EYA1: variants seen among roughly 807,000 people sequenced by gnomAD.
EYA1 encodes the protein protein phosphatase EYA1.
In EYA1, 16 loss-of-function variants were observed where a neutral mutation model predicts 82.0. The observed-to-expected ratio is 0.20, with a 90% CI of 0.13 to 0.30. The LOEUF is 0.30. Ranked by LOEUF, EYA1 falls within the 10% of genes least tolerant of loss-of-function variation. EYA1 has a pLI of 1.00. For synonymous variants in EYA1, 261 were observed against 264.4 expected (o/e 0.99, Z 0.12); for missense variants, 633 against 730.7 (o/e 0.87, Z 1.54).
chr8:71,519,608 A>G (rs1649991526), intron 2 of EYA1, among the ~76,000 whole-genome samples: 2 of 151,772 alleles, frequency 1.3e-5, no homozygotes, highest in Admixed American at 6.6e-5. Flanking sequence ...CTGATTACTA[A>G]GTCTTTCTAA....
chr8:71,496,948 GCAAT>G (rs1811460895), intron 2 of EYA1, among the ~76,000 whole-genome samples: 1 of 149,936 alleles, frequency 6.7e-6, no homozygotes, highest in Non-Finnish European at 1.5e-5. Flanking sequence ...CAATTAAAGT[GCAAT>G]CATATGACCC....
intron 2 of EYA1, among the ~76,000 whole-genome samples, chr8:71,420,022 T>C (rs1009338099): frequency 6.6e-6 from 1 of 152,154 alleles, no homozygotes; most frequent in African/African-American, 2.4e-5. Context: ...ATTTGCTTAA[T>C]AAATTGCACC....
chr8:71,359,011 A>G (rs1043648480), intron 1 of EYA1, among the ~76,000 whole-genome samples: 1 of 151,904 alleles, frequency 6.6e-6, no homozygotes, highest in Non-Finnish European at 1.5e-5. Flanking sequence ...TATGAGTGCA[A>G]AAATATTTCC....
intron 9 of EYA1, among the ~76,000 whole-genome samples, chr8:71,282,446 A>T (rs2128971409): frequency 6.6e-6 from 1 of 152,236 alleles, no homozygotes; most frequent in East Asian, 1.9e-4. Flanking sequence ...ATTTTCTCTA[A>T]TGTTCCTCTT....
intron 2 of EYA1, among the ~76,000 whole-genome samples, chr8:71,443,801 T>G (rs768544716): frequency 2.2e-4 from 34 of 152,218 alleles, no homozygotes; most frequent in Admixed American, 7.9e-4. Context: ...AGACCCTTGG[T>G]AGAAGATATC....
intron 2 of EYA1, among the ~76,000 whole-genome samples, chr8:71,527,673 T>A (rs115316819): frequency 1.2e-4 from 19 of 152,302 alleles, no homozygotes; most frequent in African/African-American, 4.6e-4. Context: ...CAGTTCTGCA[T>A]CCCATCTGCA....
At chr8:71,225,474 A>C (rs1460669946) in intron 12 of EYA1, among the ~76,000 whole-genome samples, 3 of 152,230 alleles carry the variant, frequency 2.0e-5, no homozygotes, top group Non-Finnish European at 4.4e-5. Context: ...CCTGTGGCTA[A>C]GGCACAGGGG....
At chr8:71,246,188 T>G (rs1358463350) in intron 11 of EYA1, among the ~76,000 whole-genome samples, 1 of 152,252 alleles carries the variant, frequency 6.6e-6, no homozygotes, top group Non-Finnish European at 1.5e-5. Context: ...AACTTTCGTA[T>G]GTATGCCATT....
chr8:71,308,716 T>TTTTTTA (rs1821000274), intron 7 of EYA1, among the ~76,000 whole-genome samples: 1 of 144,312 alleles, frequency 6.9e-6, no homozygotes, highest in African/African-American at 2.5e-5. Context: ...TTTTTTTTTT[T>TTTTTTA]AAGAAAAAAA....
intron 2 of EYA1, among the ~76,000 whole-genome samples, chr8:71,444,567 C>T (rs1806704540): frequency 6.6e-6 from 1 of 152,160 alleles, no homozygotes; most frequent in Admixed American, 6.5e-5. Context: ...GGAGATGCTG[C>T]CACTCAGGGC....
intron 2 of EYA1, among the ~76,000 whole-genome samples, chr8:71,450,050 G>C (rs1013650580): frequency 6.6e-6 from 1 of 152,172 alleles, no homozygotes; most frequent in Non-Finnish European, 1.5e-5. Flanking sequence ...TGGCTTAAGG[G>C]AATGTTGTAG....
chr8:71,476,840 A>G (rs950852649), intron 2 of EYA1, among the ~76,000 whole-genome samples: 8 of 152,142 alleles, frequency 5.3e-5, no homozygotes, highest in African/African-American at 1.4e-4. Context: ...ACAAAGCCAC[A>G]GTAATACAAA....
chr8:71,458,848 T>C (rs73687725), intron 2 of EYA1, among the ~76,000 whole-genome samples: 1 of 152,120 alleles, frequency 6.6e-6, no homozygotes, highest in Non-Finnish European at 1.5e-5. Flanking sequence ...ATTCTGCATA[T>C]ACAGCTCAAA....
chr8:71,395,394 T>G (rs1337154972), intron 2 of EYA1, among the ~76,000 whole-genome samples: 1 of 152,170 alleles, frequency 6.6e-6, no homozygotes, highest in East Asian at 1.9e-4. Flanking sequence ...ATGCTTCCAG[T>G]TTTTGCCCAT....
rs1338484341 is a variant in EYA1, at chr8:71,198,517, G to C, written c.*823C>G. On this transcript the variant is annotated 3_prime_UTR_variant, in exon 18 of 18. Transcript: ENST00000340726. The stretch of plus-strand genomic sequence containing the variant: ...CGGCACATGAATTTGTGCACGTGCT[G>C]CCTCATGCTTCACTATCCAGGCATT... 1 of 152,288 alleles carries C rather than the reference G, an allele frequency of 6.6e-6. No homozygotes were observed. Among genetic ancestry groups the C allele is most frequent in the African/African-American group, 2.4e-5 (1 of 41,324 alleles). 9.4% of individuals were successfully genotyped at this position (152,288 alleles called of 1,614,324 possible). A position where few individuals can be genotyped will look rare whatever the true frequency, so the allele number is the denominator to read the frequency against.
chr8:71,344,760 G>A (rs575645761), intron 3 of EYA1, among the ~76,000 whole-genome samples: 6 of 152,326 alleles, frequency 3.9e-5, no homozygotes, highest in South Asian at 2.1e-4. Flanking sequence ...GCAAATTAGC[G>A]GGTGGTAAAA....
At chr8:71,518,178 A>C (rs1243364374) in intron 2 of EYA1, among the ~76,000 whole-genome samples, 1 of 152,116 alleles carries the variant, frequency 6.6e-6, no homozygotes, top group African/African-American at 2.4e-5. Flanking sequence ...AGCAACCATT[A>C]TCTCTTAATT....
chr8:71,209,912 C>G (rs1808293528), intron 17 of EYA1, among the ~76,000 whole-genome samples: 1 of 152,046 alleles, frequency 6.6e-6, no homozygotes, highest in Non-Finnish European at 1.5e-5. Context: ...AAGTAAGATC[C>G]CTGAATCTGT....
upstream of EYA1, chr8:71,362,356 T>A: frequency 3.7e-6 from 1 of 268,092 alleles, no homozygotes; most frequent in Non-Finnish European, 5.7e-6. Flanking sequence ...GAATAACTTC[T>A]CTGAGACGTG....
Sources: allele counts gnomAD v4.1 joint callset (sites outside exome capture counted in the v4.1 genomes callset), GRCh38; gene constraint gnomAD v4.1.1; transcripts MANE v1.5; gene names NCBI Gene and HGNC (gene_info 2026-07-23, HGNC 2026-07-21).